GTF2I: variants seen among roughly 807,000 people sequenced by gnomAD.
GTF2I encodes general transcription factor II-I.
In GTF2I, 12 loss-of-function variants were observed where a neutral mutation model predicts 67.6. That is an observed-to-expected ratio of 0.18 (90% CI 0.11 to 0.29). The LOEUF is 0.29. Among genes scored for constraint, GTF2I ranks in the 10% least tolerant of loss-of-function variants. The pLI, the probability that GTF2I is intolerant of heterozygous loss-of-function variation, is 1.00. For missense variants in GTF2I, 271 were observed against 580.1 expected (o/e 0.47, Z 5.47); for synonymous variants, 149 against 197.0 (o/e 0.76, Z 2.04).
At chr7:74,660,616 CTTTTCTTTT>C (rs1206302195) in intron 1 of GTF2I, among the ~76,000 whole-genome samples, 18 of 111,250 alleles carry the variant, frequency 1.6e-4, no homozygotes, top group Admixed American at 1.6e-3. Context: ...TTTTTCTTTT[CTTTTCTTTT>C]TTTTTTTTTT....
chr7:74,668,076 C>A (rs1805137130), intron 1 of GTF2I, among the ~76,000 whole-genome samples: 1 of 151,758 alleles, frequency 6.6e-6, no homozygotes, highest in Non-Finnish European at 1.5e-5. Context: ...TCATGATCCA[C>A]TTGCCTCGGC....
intron 1 of GTF2I, among the ~76,000 whole-genome samples, chr7:74,678,218 CTTTT>C (rs66564149): frequency 1.7e-5 from 2 of 119,548 alleles, no homozygotes; most frequent in Non-Finnish European, 1.8e-5. Context: ...CTGAGCCCGG[CTTTT>C]TTTTTTTTTT....
chr7:74,709,237 C>G (rs1554402095), intron 8 of GTF2I, among the ~76,000 whole-genome samples: 1 of 151,992 alleles, frequency 6.6e-6, no homozygotes, highest in Admixed American at 6.6e-5. Context: ...TTTGGATTTA[C>G]CTTTTTATTT....
intron 1 of GTF2I, among the ~76,000 whole-genome samples, chr7:74,671,546 C>A (rs1465959081): frequency 6.6e-6 from 1 of 151,288 alleles, no homozygotes; most frequent in African/African-American, 2.4e-5. Context: ...AGTTGTAAAT[C>A]GTTTCAAATC....
rs142200093 is a variant in GTF2I at position 74,712,487 on chromosome 7, AGTGTGTGTGTGTGTGT to A, written c.763+1413_763+1428del. Among the ~76,000 whole-genome samples the A allele has an allele frequency of 6.4e-3, 848 of 131,838 alleles. 9 individuals carry two copies. The highest frequency in any genetic ancestry group is 0.044 in the East Asian group (185 of 4,198). 86.5% of individuals were successfully genotyped at this position (131,838 alleles called of 152,430 possible). On this transcript the variant is annotated intron_variant, in intron 9 of 34. Transcript: ENST00000573035. ...TTTACTACGTAAATATTCTCCCGGG[AGTGTGTGTGTGTGTGT>A]GTGTGTGTGTGTGTGTGTGTGTGTG...
chr7:74,670,158 T>C (rs1805327536), intron 1 of GTF2I, among the ~76,000 whole-genome samples: 1 of 152,226 alleles, frequency 6.6e-6, no homozygotes, highest in South Asian at 2.1e-4. Flanking sequence ...AAATGCTTGC[T>C]CATTCACTGA....
At chr7:74,662,017 C>T (rs1327778014) in intron 1 of GTF2I, among the ~76,000 whole-genome samples, 1 of 151,968 alleles carries the variant, frequency 6.6e-6, no homozygotes, top group African/African-American at 2.4e-5. Flanking sequence ...GTAGTTTTGG[C>T]CCTTGGAGGT....
chr7:74,698,529 T>C (rs1293520295), intron 3 of GTF2I, among the ~76,000 whole-genome samples: 1 of 150,894 alleles, frequency 6.6e-6, no homozygotes, highest in Non-Finnish European at 1.5e-5. Flanking sequence ...CAGCCCTCAC[T>C]TCAGCCCCCA....
chr7:74,683,722 G>A (rs7794284), intron 1 of GTF2I, among the ~76,000 whole-genome samples: 121,919 of 151,836 alleles, frequency 0.8, 49,109 homozygotes, highest in East Asian at 0.95. Context: ...GTGTGGTGGC[G>A]GGCGCCTGTC....
chr7:74,726,327 C>T (rs1328524016), intron 12 of GTF2I: 1 of 152,132 alleles, frequency 6.6e-6, no homozygotes, highest in Non-Finnish European at 1.5e-5. Flanking sequence ...TAAAAATACT[C>T]TTAAGGTTTC....
chr7:74,692,075 CTTT>C (rs782120163), intron 3 of GTF2I, among the ~76,000 whole-genome samples: 2 of 134,206 alleles, frequency 1.5e-5, no homozygotes, highest in Non-Finnish European at 1.6e-5. Flanking sequence ...CCACTCTCGG[CTTT>C]TTTTTTTTTT....
intron 3 of GTF2I, among the ~76,000 whole-genome samples, chr7:74,696,125 G>A (rs1021752707): frequency 5.3e-5 from 8 of 151,706 alleles, no homozygotes; most frequent in Non-Finnish European, 2.9e-5. Context: ...CCGAGTAGCT[G>A]GGATTACAGG....
At position 74,715,505 on chromosome 7, in the gene GTF2I, G is replaced by A. The variant is rs74302319; in HGVS notation, c.823+589G>A. Among the ~76,000 whole-genome samples the A allele has an allele frequency of 3.4e-4, 52 of 151,988 alleles. No individual in the cohort carries two copies. The East Asian group carries it at 6.2e-3, about 18-fold the overall frequency. On this transcript the variant is annotated intron_variant, in intron 10 of 34. Transcript: ENST00000573035. The stretch of plus-strand genomic sequence containing the variant: ...AGACATACAGAATTATTGCTTACAC[G>A]AACAATCATCTTAACTGTTATTCTT...
At chr7:74,683,868 A>G (rs978192886) in intron 1 of GTF2I, among the ~76,000 whole-genome samples, 1 of 152,146 alleles carries the variant, frequency 6.6e-6, no homozygotes, top group South Asian at 2.1e-4. Context: ...CAAAGAAAAA[A>G]AAAACTTAAA....
intron 15 of GTF2I, among the ~76,000 whole-genome samples, chr7:74,733,070 G>T (rs1162439359): frequency 7.2e-6 from 1 of 139,530 alleles, no homozygotes; most frequent in African/African-American, 2.7e-5. Flanking sequence ...AGGTTCAAGC[G>T]ATTCTCATGC....
At chr7:74,694,811 A>G (rs1274358879) in intron 3 of GTF2I, among the ~76,000 whole-genome samples, 1 of 152,188 alleles carries the variant, frequency 6.6e-6, no homozygotes, top group Non-Finnish European at 1.5e-5. Context: ...CCTGGCTTCA[A>G]AGCTTCAAAG....
intron 1 of GTF2I, among the ~76,000 whole-genome samples, chr7:74,672,863 T>C (rs1304648093): frequency 6.6e-6 from 1 of 152,156 alleles, no homozygotes; most frequent in Non-Finnish European, 1.5e-5. Context: ...GTTTACTGTT[T>C]TGTTTTTTTT....
intron 12 of GTF2I, among the ~76,000 whole-genome samples, chr7:74,725,379 G>A (rs1793620952): frequency 1.3e-5 from 2 of 152,096 alleles, no homozygotes; most frequent in South Asian, 4.1e-4. Context: ...AATATATGGT[G>A]TGATATTTTA....
At chr7:74,681,389 C>G (rs1787254415) in intron 1 of GTF2I, among the ~76,000 whole-genome samples, 1 of 150,898 alleles carries the variant, frequency 6.6e-6, no homozygotes, top group South Asian at 2.1e-4. Flanking sequence ...GAGCCGAGAT[C>G]GTGCCATTGC....
Sources: allele counts gnomAD v4.1 joint callset (sites outside exome capture counted in the v4.1 genomes callset), GRCh38; gene constraint gnomAD v4.1.1; transcripts MANE v1.5; gene names NCBI Gene and HGNC (gene_info 2026-07-23, HGNC 2026-07-21).